The following PNPLA1 variants were observed in gnomAD, a reference collection of about 807,000 sequenced individuals.
PNPLA1 encodes omega-hydroxyceramide transacylase.
PNPLA1 carries 36 observed loss-of-function variants against 51.7 expected under a neutral mutation model. The observed-to-expected ratio is 0.70, with a 90% CI of 0.53 to 0.92. The LOEUF is 0.92. Ranked by LOEUF, PNPLA1 falls within the 40% of genes least tolerant of loss-of-function variation. The pLI, the probability that PNPLA1 is intolerant of heterozygous loss-of-function variation, is 0.00. For synonymous variants in PNPLA1, 293 were observed against 280.1 expected (o/e 1.05, Z -0.46); for missense variants, 658 against 682.5 (o/e 0.96, Z 0.40).
chr6:36,287,408 G>C (rs2127340739), intron 1 of PNPLA1, among the ~76,000 whole-genome samples: 1 of 152,242 alleles, frequency 6.6e-6, no homozygotes, highest in South Asian at 2.1e-4. Context: ...GGTGGGAGCA[G>C]TCAACCTTGA....
chr6:36,294,367 A>G lies in PNPLA1; in HGVS notation c.682A>G (p.Met228Val), dbSNP rs773973946. 1.2e-6 allele frequency: 2 copies of G among 1,614,168 alleles called. No homozygotes were observed. Among genetic ancestry groups the G allele is most frequent in the South Asian group, 2.2e-5 (2 of 91,090 alleles). The part of the protein sequence containing the change: ...FQFSLENIAR[M>V]THALFPPDLV... Reference sequence around the variant, plus strand: ...GTTCTCCCTGGAGAACATCGCCAGGATGACCCACGCATTGTTCCCCCCGGA... The same window carrying G: ...GTTCTCCCTGGAGAACATCGCCAGGGTGACCCACGCATTGTTCCCCCCGGA... Residue 228 changes from methionine to valine, a missense_variant, in exon 4 of 9, where the codon ATG becomes GTG. Physicochemically the swap from Met to Val is conservative, Grantham distance 21 (BLOSUM62 1). Transcript: ENST00000636260. This position sits in a 1 kb window ranked among gnomAD's most constrained non-coding sequence, Gnocchi z 4.2.
chr6:36,269,477 C>T (rs1222154305), upstream of PNPLA1, among the ~76,000 whole-genome samples: 1 of 152,156 alleles, frequency 6.6e-6, no homozygotes, highest in Non-Finnish European at 1.5e-5. Context: ...CCCAGCTGCT[C>T]CTCCTTGGGG....
At chr6:36,301,812 C>A (rs376104376) in intron 5 of PNPLA1, 49 bp from the exon 6 acceptor site, 534 of 1,569,482 alleles carry the variant, frequency 3.4e-4, no homozygotes, top group Non-Finnish European at 4.3e-4. Context: ...TTGCAAAGGC[C>A]ATGCTGCTGC....
At chr6:36,301,579 T>C (rs936063469) in intron 5 of PNPLA1, among the ~76,000 whole-genome samples, 2 of 152,116 alleles carry the variant, frequency 1.3e-5, no homozygotes, top group Admixed American at 1.3e-4. Context: ...TGCCAATCCC[T>C]CAGATGACCT....
chr6:36,252,445 CG>C (rs1444242467), intron 1 of PNPLA1, among the ~76,000 whole-genome samples: 1 of 149,446 alleles, frequency 6.7e-6, no homozygotes, highest in African/African-American at 2.5e-5. Flanking sequence ...GACAGAGAGG[CG>C]GGGATGGAGT....
chr6:36,288,047 G>A (rs1240183641), intron 1 of PNPLA1, among the ~76,000 whole-genome samples: 1 of 152,118 alleles, frequency 6.6e-6, no homozygotes, highest in Non-Finnish European at 1.5e-5. Flanking sequence ...CCCCTGAATA[G>A]GTGAGAGTTG....
intron 1 of PNPLA1, among the ~76,000 whole-genome samples, chr6:36,263,682 G>C (rs1250636109): frequency 6.6e-6 from 1 of 151,718 alleles, no homozygotes. Context: ...TTGATGTTCT[G>C]GCATTTGTGG....
chr6:36,287,325 G>A (rs1770524975), intron 1 of PNPLA1, among the ~76,000 whole-genome samples: 1 of 152,124 alleles, frequency 6.6e-6, no homozygotes, highest in African/African-American at 2.4e-5. Flanking sequence ...GTGAGAGGAG[G>A]AGGAGAACCA....
intron 6 of PNPLA1, among the ~76,000 whole-genome samples, chr6:36,303,502 T>C (rs1419337382): frequency 6.6e-6 from 1 of 152,184 alleles, no homozygotes; most frequent in Non-Finnish European, 1.5e-5. Flanking sequence ...AAATCTCCCT[T>C]TCAGCAGAGG....
At chr6:36,269,525 G>A (rs1288854328), upstream of PNPLA1, among the ~76,000 whole-genome samples, 2 of 152,112 alleles carry the variant, frequency 1.3e-5, no homozygotes, top group Non-Finnish European at 2.9e-5. Flanking sequence ...TTTCTGAGCG[G>A]GAAGAAGAAC....
At chr6:36,297,887 CA>C (rs1465934501) in intron 5 of PNPLA1, among the ~76,000 whole-genome samples, 11 of 143,426 alleles carry the variant, frequency 7.7e-5, no homozygotes, top group African/African-American at 2.2e-4. Context: ...CACACACACA[CA>C]CCCTGTGAAA....
At chr6:36,261,170 G>A (rs1769639657) in intron 1 of PNPLA1, among the ~76,000 whole-genome samples, 1 of 152,194 alleles carries the variant, frequency 6.6e-6, no homozygotes, top group Non-Finnish European at 1.5e-5. Context: ...GTTCAGTTTT[G>A]TGAGGTGACT....
At chr6:36,249,676 G>A (rs1326187058) in intron 1 of PNPLA1, among the ~76,000 whole-genome samples, 1 of 152,184 alleles carries the variant, frequency 6.6e-6, no homozygotes, top group African/African-American at 2.4e-5. Context: ...AGGCTCCCCT[G>A]AGATCTAACT....
At chr6:36,290,462 C>T (rs1043398102) in intron 1 of PNPLA1, among the ~76,000 whole-genome samples, 2 of 152,118 alleles carry the variant, frequency 1.3e-5, no homozygotes, top group African/African-American at 4.8e-5. Context: ...TGACGCTGAC[C>T]CTGGGAAAGT....
At chr6:36,311,430 G>A (rs1194770708) in intron 8 of PNPLA1, among the ~76,000 whole-genome samples, 1 of 152,236 alleles carries the variant, frequency 6.6e-6, no homozygotes, top group Non-Finnish European at 1.5e-5. Context: ...AAGTGAACTT[G>A]GAGATGTGGT....
chr6:36,266,374 G>A (rs1048450966), upstream of PNPLA1, among the ~76,000 whole-genome samples: 5 of 152,210 alleles, frequency 3.3e-5, no homozygotes, highest in East Asian at 1.9e-4. Context: ...TGTCTGCCAC[G>A]TTTCCCCTGA....
At chr6:36,277,756 C>T (rs1770151912) in intron 1 of PNPLA1, among the ~76,000 whole-genome samples, 2 of 152,212 alleles carry the variant, frequency 1.3e-5, no homozygotes, top group African/African-American at 4.8e-5. Flanking sequence ...CCCAGCTACT[C>T]AGGAGGCTGG....
In PNPLA1 at chr6:36,312,934, G is replaced by A. The variant is rs1372233187; in HGVS notation, c.*1048G>A. ...GGCAAAACTCTTGGGGGCCCAGCAG[G>A]ACTGAGCCAACGACACGCTTCCTCT... On this transcript the variant is annotated 3_prime_UTR_variant, in exon 9 of 9. Coordinates refer to ENST00000636260, the MANE Select transcript of PNPLA1 (RefSeq NM_001374623.1). Among the ~76,000 whole-genome samples, 6 of 152,184 alleles carry A rather than the reference G, an allele frequency of 3.9e-5. No homozygotes were observed. The highest frequency in any genetic ancestry group is 1.4e-4 in the African/African-American group (6 of 41,434).
chr6:36,292,196 T>G (rs1485608848), intron 2 of PNPLA1, among the ~76,000 whole-genome samples: 1 of 152,114 alleles, frequency 6.6e-6, no homozygotes, highest in Non-Finnish European at 1.5e-5. Context: ...TTCCCCCACA[T>G]ACAGGGGCTT....
Sources: allele counts gnomAD v4.1 joint callset (sites outside exome capture counted in the v4.1 genomes callset), GRCh38; gene constraint gnomAD v4.1.1; non-coding constraint Gnocchi (gnomAD v3.1); transcripts MANE v1.5; gene names NCBI Gene and HGNC (gene_info 2026-07-23, HGNC 2026-07-21).